Variants in MSRA observed in about 807,000 individuals in gnomAD.
MSRA encodes mitochondrial peptide methionine sulfoxide reductase.
Under a neutral mutation model 31.3 loss-of-function variants are expected in MSRA, and 54 were observed. The ratio of observed to expected loss-of-function variants is 1.73; its 90% confidence interval spans 1.39 to 2.17. The LOEUF (loss-of-function observed/expected upper bound fraction) is 2.17, where lower values mean the gene tolerates loss of function less well. Among genes scored for constraint, MSRA ranks in the 30% most tolerant of loss-of-function variants. MSRA has a pLI of 0.00. For missense variants in MSRA, 507 were observed against 300.9 expected, an observed-to-expected ratio of 1.69 and a Z score of -5.07; for synonymous variants, 169 against 116.5, an observed-to-expected ratio of 1.45 and a Z score of -2.90.
chr8:10,306,167 G>C (rs1169750264), intron 4 of MSRA, among the ~76,000 whole-genome samples: 1 of 152,098 alleles, frequency 6.6e-6, no homozygotes, highest in East Asian at 1.9e-4. Context: ...TCTGGTCCCT[G>C]GTTGGCCCCT....
At chr8:10,281,724 C>T (rs1799633744) in intron 3 of MSRA, among the ~76,000 whole-genome samples, 1 of 152,134 alleles carries the variant, frequency 6.6e-6, no homozygotes, top group Non-Finnish European at 1.5e-5. Flanking sequence ...GGGAATTTTA[C>T]TTTATTCTCT....
chr8:10,337,405 TC>T (rs145292201), intron 5 of MSRA: 56,248 of 296,310 alleles, frequency 0.19, 6,875 homozygotes, highest in Non-Finnish European at 0.25. Context: ...GATCTGGATC[TC>T]CTGACCTCGT....
At position 10,054,780 on chromosome 8, in the gene MSRA, G is replaced by C. The variant is rs1053655471; in HGVS notation, c.142+122G>C. ...GCTGGCCTCGGGCGGGTCGCGGGGTGGGGGTCTGCGCAGGCGCGAAGGGGC... is the reference window on the plus strand; with the variant it reads ...GCTGGCCTCGGGCGGGTCGCGGGGTCGGGGTCTGCGCAGGCGCGAAGGGGC... On this transcript the variant is annotated intron_variant, in intron 1 of 5. Transcript: ENST00000317173. 5 of 1,167,194 alleles carry C rather than the reference G, an allele frequency of 4.3e-6. No individual in the cohort carries two copies. In the East Asian group the frequency reaches 1.0e-4, roughly 24 times the overall value. The allele number at this position is 1,167,194 out of a possible 1,614,324, so 72.3% of individuals were successfully genotyped here.
chr8:10,299,959 C>A (rs1474545243), intron 3 of MSRA, among the ~76,000 whole-genome samples: 3 of 152,134 alleles, frequency 2.0e-5, no homozygotes, highest in East Asian at 3.8e-4. Flanking sequence ...AGTCTAATTG[C>A]CCAATGACAA....
intron 5 of MSRA, among the ~76,000 whole-genome samples, chr8:10,412,730 T>G (rs946330709): frequency 2.0e-5 from 3 of 152,134 alleles, no homozygotes; most frequent in Non-Finnish European, 1.5e-5. Context: ...CCCAGCATCA[T>G]TAGTCATTGG....
intron 2 of MSRA, among the ~76,000 whole-genome samples, chr8:10,227,729 A>G (rs935247479): frequency 6.6e-6 from 1 of 152,240 alleles, no homozygotes; most frequent in African/African-American, 2.4e-5. Context: ...AAGCAGCATT[A>G]GGAATGATGT....
chr8:10,232,036 A>G (rs1811526651), intron 2 of MSRA, among the ~76,000 whole-genome samples: 1 of 152,210 alleles, frequency 6.6e-6, no homozygotes, highest in African/African-American at 2.4e-5. Context: ...GCACTGGGGA[A>G]AGTGTACAGT....
At position 10,054,438 on chromosome 8, in the gene MSRA, C is replaced by A. The variant is rs1280564581; in HGVS notation, c.-79C>A. On this transcript the variant is annotated 5_prime_UTR_variant, in exon 1 of 6. Transcript: ENST00000317173. ...CGCCCCCCGGTTCCGGCCGCGGACC[C>A]CACTCTCTGCCGTTCCGGCTGCGGC... 2.1e-6 allele frequency: 3 copies of A among 1,413,236 alleles called. No homozygotes were observed. The highest frequency in any genetic ancestry group is 2.3e-5 in the Admixed American group (1 of 42,580). 87.5% of individuals were successfully genotyped at this position (1,413,236 alleles called of 1,614,324 possible).
chr8:10,341,492 C>A (rs139049646), intron 5 of MSRA, among the ~76,000 whole-genome samples: 4 of 152,304 alleles, frequency 2.6e-5, no homozygotes, highest in African/African-American at 9.6e-5. Flanking sequence ...CTAGGCCCCA[C>A]CTCCAGGACT....
In MSRA at chr8:10,329,337, C is replaced by T. The variant is rs140874562; in HGVS notation, c.543+9348C>T. Among the ~76,000 whole-genome samples, 897 of 152,310 alleles carry T rather than the reference C, an allele frequency of 5.9e-3. 3 individuals are homozygous for T. Among genetic ancestry groups the T allele is most frequent in the Non-Finnish European group, 0.01 (689 of 68,024 alleles). On this transcript the variant is annotated intron_variant, in intron 5 of 5. Coordinates refer to ENST00000317173, the MANE Select transcript of MSRA (RefSeq NM_012331.5). ...AAGAATCCCTCCCCGGATCTTCCAGCGTCTGGTGGGTGCCACCATGCATGG... is the reference window on the plus strand; with the variant it reads ...AAGAATCCCTCCCCGGATCTTCCAGTGTCTGGTGGGTGCCACCATGCATGG...
chr8:10,385,499 G>T (rs1806330529), intron 5 of MSRA, among the ~76,000 whole-genome samples: 1 of 152,218 alleles, frequency 6.6e-6, no homozygotes, highest in African/African-American at 2.4e-5. Flanking sequence ...AGGGCTGAAA[G>T]ATGGGACAGG....
chr8:10,262,531 T>C (rs1181002017), intron 3 of MSRA, among the ~76,000 whole-genome samples: 4 of 152,240 alleles, frequency 2.6e-5, no homozygotes, highest in Admixed American at 6.5e-5. Context: ...CTTGGTGAGG[T>C]GGCTATTCAG....
At chr8:10,416,339 C>T (rs1808457396) in intron 5 of MSRA, among the ~76,000 whole-genome samples, 2 of 152,232 alleles carry the variant, frequency 1.3e-5, no homozygotes, top group South Asian at 4.1e-4. Flanking sequence ...TTCGGCTGAA[C>T]TGTGCTGACT....
intron 1 of MSRA, among the ~76,000 whole-genome samples, chr8:10,153,912 C>G (rs1480750312): frequency 2.0e-5 from 3 of 152,102 alleles, no homozygotes; most frequent in African/African-American, 4.8e-5. Flanking sequence ...AAAAATTATC[C>G]AAATGTTTAA....
intron 5 of MSRA, among the ~76,000 whole-genome samples, chr8:10,413,505 T>C (rs12155619): frequency 2.0e-5 from 3 of 152,072 alleles, no homozygotes; most frequent in Non-Finnish European, 4.4e-5. Flanking sequence ...GAAAAAAATA[T>C]GTAACAAAGA....
chr8:10,164,538 T>G (rs1804951406), intron 1 of MSRA, among the ~76,000 whole-genome samples: 1 of 152,144 alleles, frequency 6.6e-6, no homozygotes, highest in South Asian at 2.1e-4. Flanking sequence ...AATTAAATAT[T>G]TAATAAACAA....
intron 1 of MSRA, among the ~76,000 whole-genome samples, chr8:10,097,739 A>G (rs961220914): frequency 6.6e-6 from 1 of 152,170 alleles, no homozygotes; most frequent in African/African-American, 2.4e-5. Flanking sequence ...TATCCAAACT[A>G]TTTCATGTCC....
At chr8:10,169,115 A>G (rs1805388459) in intron 1 of MSRA, among the ~76,000 whole-genome samples, 1 of 152,214 alleles carries the variant, frequency 6.6e-6, no homozygotes, top group Non-Finnish European at 1.5e-5. Context: ...CACAGTTATG[A>G]AAACCTTCTA....
chr8:10,274,817 A>T (rs964577301), intron 3 of MSRA, among the ~76,000 whole-genome samples: 2 of 150,400 alleles, frequency 1.3e-5, no homozygotes, highest in East Asian at 3.9e-4. Context: ...CCATCCATCT[A>T]CCCATCCACC....
Sources: gnomAD v4.1 joint callset for allele counts (sites outside exome capture counted in the v4.1 genomes callset) on GRCh38, gnomAD v4.1.1 for gene constraint, MANE v1.5 for transcripts, NCBI Gene and HGNC (gene_info 2026-07-23, HGNC 2026-07-21) for gene names.